MYO1D: variants seen among roughly 807,000 people sequenced by gnomAD.
The protein encoded by MYO1D is unconventional myosin-Id.
In MYO1D, 83 loss-of-function variants were observed where a neutral mutation model predicts 122.0. The observed-to-expected ratio is 0.68, with a 90% CI of 0.57 to 0.82. The LOEUF (loss-of-function observed/expected upper bound fraction) is 0.82. Ranked by LOEUF, MYO1D falls within the 40% of genes least tolerant of loss-of-function variation. The pLI is 0.00. For missense variants in MYO1D, 1,157 were observed against 1,269.5 expected (o/e 0.91, Z 1.35); for synonymous variants, 464 against 446.9 (o/e 1.04, Z -0.48).
In MYO1D at chr17:32,501,702, T is replaced by C. The variant is rs77121093; in HGVS notation, c.2865-6787A>G. ...CCCAGTCCGCGAGGACAGACGAGCCTCTGCTTCTTGGGACCCTTCCACACC... is the reference window on the plus strand; with the variant it reads ...CCCAGTCCGCGAGGACAGACGAGCCCCTGCTTCTTGGGACCCTTCCACACC... On this transcript the variant is annotated intron_variant, in intron 21 of 21. Transcript: ENST00000318217. 4.7e-4 allele frequency among the ~76,000 whole-genome samples: 71 copies of C among 152,354 alleles called. 1 individual carries two copies. The East Asian group carries it at 0.013, about 28-fold the overall frequency.
chr17:32,749,114 C>T (rs2089871683), intron 11 of MYO1D, 108 bp from the exon 12 acceptor site: 3 of 987,478 alleles, frequency 3.0e-6, no homozygotes, highest in African/African-American at 3.2e-5. Context: ...TATGACATCA[C>T]ATTGTGTGGG....
At chr17:32,852,970 G>A (rs2091001697) in intron 1 of MYO1D, among the ~76,000 whole-genome samples, 2 of 152,108 alleles carry the variant, frequency 1.3e-5, no homozygotes, top group African/African-American at 4.8e-5. Context: ...ACTCTAATCT[G>A]CTTCAAAACT....
intron 21 of MYO1D, among the ~76,000 whole-genome samples, chr17:32,501,248 G>A (rs1362611187): frequency 6.6e-6 from 1 of 152,174 alleles, no homozygotes; most frequent in African/African-American, 2.4e-5. Flanking sequence ...ACAGTTCCTA[G>A]CTCGTATCTC....
At chr17:32,821,704 A>C (rs994966218) in intron 1 of MYO1D, among the ~76,000 whole-genome samples, 1 of 152,160 alleles carries the variant, frequency 6.6e-6, no homozygotes, top group Non-Finnish European at 1.5e-5. Flanking sequence ...AAGTTTTTTC[A>C]GGGAAAAACT....
intron 13 of MYO1D, 30 bp downstream of exon 13, chr17:32,745,181 T>A (rs780996964): frequency 4.9e-6 from 6 of 1,212,758 alleles, no homozygotes; most frequent in Non-Finnish European, 7.2e-6. Context: ...GAGCTTAATC[T>A]AGAGTTAATT....
intron 21 of MYO1D, among the ~76,000 whole-genome samples, chr17:32,556,017 C>T (rs780606195): frequency 6.6e-6 from 1 of 152,106 alleles, no homozygotes; most frequent in Non-Finnish European, 1.5e-5. Flanking sequence ...CTTATCATAT[C>T]GAATTATTTT....
chr17:32,579,718 T>G (rs1393874355), intron 21 of MYO1D, among the ~76,000 whole-genome samples: 1 of 152,218 alleles, frequency 6.6e-6, no homozygotes, highest in African/African-American at 2.4e-5. Flanking sequence ...CTCCTATGGT[T>G]TGTATTTTCT....
At chr17:32,553,110 A>AC (rs1314033337) in intron 21 of MYO1D, among the ~76,000 whole-genome samples, 3 of 151,666 alleles carry the variant, frequency 2.0e-5, no homozygotes, top group Non-Finnish European at 4.4e-5. Context: ...AAACAAAAAA[A>AC]AAAACAAAAA....
At chr17:32,800,557 T>C (rs756946494) in intron 1 of MYO1D, among the ~76,000 whole-genome samples, 14 of 151,906 alleles carry the variant, frequency 9.2e-5, no homozygotes, top group Non-Finnish European at 1.8e-4. Context: ...CAGGGGAGGA[T>C]TGGATGGGGA....
intron 21 of MYO1D, among the ~76,000 whole-genome samples, chr17:32,566,172 C>G (rs892478328): frequency 2.7e-5 from 4 of 149,992 alleles, no homozygotes; most frequent in Non-Finnish European, 5.9e-5. Flanking sequence ...CTTATAACCC[C>G]CTGAAAGTGA....
intron 16 of MYO1D, among the ~76,000 whole-genome samples, chr17:32,682,612 G>T (rs1567946672): frequency 6.8e-6 from 1 of 146,866 alleles, no homozygotes; most frequent in African/African-American, 2.7e-5. Context: ...GGTTTCTGCC[G>T]AGAGATCAGC....
chr17:32,781,733 A>AC (rs2090240983), intron 1 of MYO1D, among the ~76,000 whole-genome samples: 1 of 102,412 alleles, frequency 9.8e-6, no homozygotes, highest in South Asian at 3.5e-4. Context: ...AGGCCACAGG[A>AC]CAAAAAAAAA....
chr17:32,579,644 T>A (rs1227006913), intron 21 of MYO1D, among the ~76,000 whole-genome samples: 3 of 152,226 alleles, frequency 2.0e-5, no homozygotes, highest in Admixed American at 6.5e-5. Context: ...TGCTGCTTTG[T>A]AATTCCTACT....
chr17:32,629,275 T>C (rs2087970495), intron 20 of MYO1D, among the ~76,000 whole-genome samples: 1 of 146,868 alleles, frequency 6.8e-6, no homozygotes, highest in Admixed American at 6.7e-5. Context: ...GCAGTGAAAC[T>C]GTTCTGTGTG....
intron 2 of MYO1D, among the ~76,000 whole-genome samples, chr17:32,779,766 C>T (rs970762432): frequency 4.6e-5 from 7 of 152,156 alleles, no homozygotes; most frequent in South Asian, 4.1e-4. Flanking sequence ...CACTAAGTTA[C>T]TTAACTCCTC....
Position 32,591,664 on chromosome 17 carries a change from C to A in MYO1D, c.2864+13423G>T, listed in dbSNP as rs1002288158. ...AAACACAAATCTTTGGTGATTTCAT[C>A]AAAAAAAAAAACAAACCTACTTTCA... is the stretch of plus-strand genomic sequence containing the variant. On this transcript the variant is annotated intron_variant, in intron 21 of 21. Transcript: ENST00000318217. 1.1e-3 allele frequency among the ~76,000 whole-genome samples: 167 copies of A among 145,234 alleles called. 1 individual carries two copies. The highest frequency in any genetic ancestry group is 3.3e-3 in the African/African-American group (133 of 39,906).
At chr17:32,534,657 C>T (rs1176388948) in intron 21 of MYO1D, among the ~76,000 whole-genome samples, 1 of 151,458 alleles carries the variant, frequency 6.6e-6, no homozygotes, top group Non-Finnish European at 1.5e-5. Context: ...GGGCGAAGTA[C>T]AAAAAACAGC....
chr17:32,519,879 T>C (rs972218568), intron 21 of MYO1D, among the ~76,000 whole-genome samples: 2 of 147,048 alleles, frequency 1.4e-5, no homozygotes, highest in Admixed American at 6.8e-5. Flanking sequence ...GAGATGTGGG[T>C]AAACAGCAGG....
At chr17:32,863,033 A>T (rs1458341550) in intron 1 of MYO1D, 1 of 152,200 alleles carries the variant, frequency 6.6e-6, no homozygotes, top group East Asian at 1.9e-4. Context: ...GTAAATCAAG[A>T]AGTTGAAGAA....
Sources: gnomAD v4.1 joint callset for allele counts (sites outside exome capture counted in the v4.1 genomes callset) on GRCh38, gnomAD v4.1.1 for gene constraint, MANE v1.5 for transcripts, NCBI Gene and HGNC (gene_info 2026-07-23, HGNC 2026-07-21) for gene names.